DAB1: variants seen among roughly 807,000 people sequenced by gnomAD.
DAB1 encodes DAB adaptor protein 1.
In DAB1, 15 loss-of-function variants were observed where a neutral mutation model predicts 64.6. The observed-to-expected ratio is 0.23, with a 90% confidence interval of 0.16 to 0.36. The LOEUF is 0.36. Among genes scored for constraint, DAB1 ranks in the 10% least tolerant of loss-of-function variants. The probability of loss-of-function intolerance (pLI) is 1.00; values close to 1 mark genes in which losing one functional copy is unlikely to be tolerated. For missense variants in DAB1, 596 were observed against 706.7 expected, an observed-to-expected ratio of 0.84 and a Z score of 1.78; for synonymous variants, 235 against 251.9, an observed-to-expected ratio of 0.93 and a Z score of 0.64.
chr1:58,122,286 T>G (rs1252003802), intron 5 of DAB1, among the ~76,000 whole-genome samples: 2 of 152,232 alleles, frequency 1.3e-5, no homozygotes, highest in African/African-American at 4.8e-5. Context: ...AATTAATTGT[T>G]GCAACATGGC....
intron 2 of DAB1, among the ~76,000 whole-genome samples, chr1:57,212,681 AC>A (rs1422813649): frequency 1.3e-5 from 2 of 152,096 alleles, no homozygotes; most frequent in Non-Finnish European, 2.9e-5. Flanking sequence ...TTCATTATTT[AC>A]AAAGCACATT....
intron 2 of DAB1, among the ~76,000 whole-genome samples, chr1:57,170,246 G>C (rs1333401691): frequency 1.3e-5 from 2 of 152,038 alleles, no homozygotes; most frequent in Admixed American, 6.6e-5. Context: ...TGATCCAACT[G>C]CCTCGGCCTT....
At chr1:57,845,919 G>T (rs852792) in intron 1 of DAB1, among the ~76,000 whole-genome samples, 91,629 of 151,960 alleles carry the variant, frequency 0.6, 27,956 homozygotes, top group African/African-American at 0.69. Flanking sequence ...TTTAATAAAT[G>T]GAATAAATAC....
At chr1:58,470,979 G>A (rs1645351175) in intron 3 of DAB1, among the ~76,000 whole-genome samples, 3 of 152,126 alleles carry the variant, frequency 2.0e-5, no homozygotes, top group Admixed American at 6.6e-5. Context: ...GTGACAGAGG[G>A]GAAGGGATTT....
upstream of DAB1, among the ~76,000 whole-genome samples, chr1:57,424,509 T>C (rs1249970556): frequency 6.6e-6 from 1 of 152,132 alleles, no homozygotes; most frequent in Non-Finnish European, 1.5e-5. Flanking sequence ...TGTCACAAAG[T>C]ATCCAGTGTT....
intron 7 of DAB1, among the ~76,000 whole-genome samples, chr1:57,458,509 T>C (rs1051527350): frequency 3.9e-5 from 6 of 152,072 alleles, no homozygotes; most frequent in African/African-American, 1.4e-4. Context: ...TGAGTAACTT[T>C]TACTAACTTC....
At chr1:58,485,228 T>TTAAAAAAA (rs533975015) in intron 3 of DAB1, among the ~76,000 whole-genome samples, 2 of 42,036 alleles carry the variant, frequency 4.8e-5, no homozygotes, top group African/African-American at 9.7e-5. Flanking sequence ...AGTCTACTAC[T>TTAAAAAAA]AAAAAAAAAA....
chr1:57,197,219 C>A (rs1344478144), intron 2 of DAB1, among the ~76,000 whole-genome samples: 1 of 152,022 alleles, frequency 6.6e-6, no homozygotes, highest in Non-Finnish European at 1.5e-5. Context: ...TGGCACGTGT[C>A]TGTAATCCCA....
At chr1:57,987,498 A>G (rs1188491311) in intron 5 of DAB1, among the ~76,000 whole-genome samples, 1 of 152,176 alleles carries the variant, frequency 6.6e-6, no homozygotes, top group Non-Finnish European at 1.5e-5. Flanking sequence ...CACAGCTGAG[A>G]TCCCCAAGAT....
At chr1:58,455,510 G>C (rs552532703) in intron 3 of DAB1, among the ~76,000 whole-genome samples, 2 of 152,404 alleles carry the variant, frequency 1.3e-5, no homozygotes, top group East Asian at 3.9e-4. Flanking sequence ...AGGAGGCGGA[G>C]AGAGGGGTGA....
chr1:57,968,924 C>T (rs1004877559), intron 5 of DAB1, among the ~76,000 whole-genome samples: 1 of 152,072 alleles, frequency 6.6e-6, no homozygotes, highest in Non-Finnish European at 1.5e-5. Context: ...CTTTAAAATC[C>T]CTTTCAACTT....
intron 1 of DAB1, among the ~76,000 whole-genome samples, chr1:57,837,296 A>G (rs1319620799): frequency 6.6e-6 from 1 of 151,924 alleles, no homozygotes; most frequent in African/African-American, 2.4e-5. Context: ...GTTTCCTCAA[A>G]TCTCCTTTTT....
chr1:57,313,483 G>T lies in DAB1; in HGVS notation c.-136-22317C>A, dbSNP rs566320274. Among the ~76,000 whole-genome samples, 5 of 152,206 alleles carry T rather than the reference G, an allele frequency of 3.3e-5. No individual in the cohort carries two copies. The East Asian group carries it at 7.7e-4, about 24-fold the overall frequency. On this transcript the variant is annotated intron_variant, in intron 1 of 14. Coordinates refer to ENST00000371236, the MANE Select transcript of DAB1 (RefSeq NM_001365792.1). ...AAAAGAAGTGAAAATCTATTTGTGG[G>T]ACCTCAAAAATACAGTAGGGGCCTG... is the stretch of plus-strand genomic sequence containing the variant.
intron 5 of DAB1, among the ~76,000 whole-genome samples, chr1:58,023,797 T>C (rs1646848410): frequency 6.6e-6 from 1 of 152,198 alleles, no homozygotes; most frequent in African/African-American, 2.4e-5. Context: ...GGACCCAGCA[T>C]CTAACTAAGC....
chr1:57,657,421 T>C (rs1319340909), intron 6 of DAB1, among the ~76,000 whole-genome samples: 1 of 152,188 alleles, frequency 6.6e-6, no homozygotes, highest in Non-Finnish European at 1.5e-5. Context: ...CATTGCAGAA[T>C]GTGAGGATCC....
intron 2 of DAB1, among the ~76,000 whole-genome samples, chr1:57,166,094 A>G (rs1347705915): frequency 1.3e-5 from 2 of 152,258 alleles, no homozygotes; most frequent in East Asian, 3.8e-4. Context: ...AGGTCCAAGT[A>G]GGTGGTAATA....
intron 5 of DAB1, among the ~76,000 whole-genome samples, chr1:58,132,836 C>T (rs1237091708): frequency 6.6e-6 from 1 of 152,062 alleles, no homozygotes; most frequent in African/African-American, 2.4e-5. Flanking sequence ...GTAGGTCGCA[C>T]CCTGGATAAC....
chr1:58,044,084 C>A (rs4912178), intron 5 of DAB1, among the ~76,000 whole-genome samples: 69,234 of 152,050 alleles, frequency 0.46, 15,992 homozygotes, highest in African/African-American at 0.51. Context: ...TTAATCTCAG[C>A]TCCCTCTGTC....
chr1:57,259,456 A>G (rs1298849026), intron 2 of DAB1, among the ~76,000 whole-genome samples: 1 of 152,182 alleles, frequency 6.6e-6, no homozygotes, highest in East Asian at 1.9e-4. Context: ...CTAAGTCTTA[A>G]CCATCAAGTA....
Sources: gnomAD v4.1 joint callset for allele counts (sites outside exome capture counted in the v4.1 genomes callset) on GRCh38, gnomAD v4.1.1 for gene constraint, MANE v1.5 for transcripts, NCBI Gene and HGNC (gene_info 2026-07-23, HGNC 2026-07-21) for gene names.